The following ZC3H12B variants were observed in gnomAD, a reference collection of about 807,000 sequenced individuals.
ZC3H12B encodes the protein probable ribonuclease ZC3H12B.
Under a neutral mutation model 43.9 loss-of-function variants are expected in ZC3H12B, and 7 were observed. The ratio of observed to expected loss-of-function variants is 0.16; its 90% CI spans 0.09 to 0.30. ZC3H12B has a LOEUF of 0.30. ZC3H12B is among the 10% of genes least tolerant of loss of function. ZC3H12B has a pLI of 1.00. For synonymous variants in ZC3H12B, 222 were observed against 241.7 expected (o/e 0.92, Z 0.76); for missense variants, 475 against 670.2 (o/e 0.71, Z 3.22).
the ZC3H12B span, among the ~76,000 whole-genome samples, chrX:65,091,727 C>A: frequency 9.0e-6 from 1 of 111,667 alleles, no homozygotes; most frequent in African/African-American, 3.3e-5. Flanking sequence ...ACAAAAAAAA[C>A]ATCTTAGCAG....
At chrX:65,143,141 A>T in the ZC3H12B span, among the ~76,000 whole-genome samples, 1 of 110,933 alleles carries the variant, frequency 9.0e-6, no homozygotes, top group Admixed American at 9.6e-5. Flanking sequence ...TGAGCATGGG[A>T]TGTGTTTCTA....
At chrX:65,394,374 T>A (rs772848858) in intron 2 of ZC3H12B, among the ~76,000 whole-genome samples, 2 of 112,711 alleles carry the variant, frequency 1.8e-5, no homozygotes, top group South Asian at 7.3e-4. Context: ...GAGCTAATTT[T>A]TGTATTAGGT....
the ZC3H12B span, among the ~76,000 whole-genome samples, chrX:65,151,437 T>C: frequency 8.9e-6 from 1 of 112,059 alleles, no homozygotes; most frequent in Non-Finnish European, 1.9e-5. Flanking sequence ...TCAAAATTAT[T>C]GTATGTGACA....
the ZC3H12B span, among the ~76,000 whole-genome samples, chrX:65,056,915 C>CT: frequency 4.6e-3 from 511 of 111,320 alleles, 1 homozygote; most frequent in Non-Finnish European, 7.9e-3. Flanking sequence ...CAACCCTTGC[C>CT]TTTTTTTGTT....
At chrX:65,177,314 C>G in the ZC3H12B span, among the ~76,000 whole-genome samples, 1 of 111,738 alleles carries the variant, frequency 8.9e-6, no homozygotes, top group African/African-American at 3.3e-5. Flanking sequence ...AACCCACAGC[C>G]AATATCATAC....
the ZC3H12B span, among the ~76,000 whole-genome samples, chrX:65,214,498 C>T: frequency 9.0e-6 from 1 of 111,620 alleles, no homozygotes; most frequent in Non-Finnish European, 1.9e-5. Context: ...AAAACTTCTT[C>T]ATTTTCTCAG....
chrX:65,460,264 A>G lies in ZC3H12B; in HGVS notation n.408-28382A>G, dbSNP rs878992397. On this transcript the variant is annotated intron_variant and non_coding_transcript_variant, in intron 3 of 5. Transcript: ENST00000617377. ...CTCATGGGTAGGAAGAATCAATATC[A>G]TGAAAATGGCCATACTGCCCAAGGT... 3.6e-5 allele frequency among the ~76,000 whole-genome samples: 4 copies of G among 111,816 alleles called. No individual in the cohort carries two copies. In the East Asian group the frequency reaches 1.1e-3, roughly 31 times the overall value.
chrX:65,355,701 G>A, the ZC3H12B span, among the ~76,000 whole-genome samples: 2 of 111,835 alleles, frequency 1.8e-5, no homozygotes, highest in African/African-American at 6.5e-5. Context: ...GGTCAGGCAT[G>A]GTGGAACATG....
the ZC3H12B span, among the ~76,000 whole-genome samples, chrX:65,046,937 A>G: frequency 6.3e-5 from 7 of 111,106 alleles, no homozygotes; most frequent in South Asian, 2.7e-3. Flanking sequence ...CAGTTTAGCA[A>G]TCAGAACATG....
At chrX:65,347,917 A>G in the ZC3H12B span, among the ~76,000 whole-genome samples, 53 of 112,361 alleles carry the variant, frequency 4.7e-4, no homozygotes, top group African/African-American at 1.7e-3. Flanking sequence ...TAAAAAAACG[A>G]TGAATTCATG....
At chrX:65,450,769 G>GTATACATATGTGTATATATGTATA (rs2067484738) in intron 3 of ZC3H12B, among the ~76,000 whole-genome samples, 2 of 31,279 alleles carry the variant, frequency 6.4e-5, no homozygotes, top group Non-Finnish European at 9.0e-5. Context: ...ATATGTATAT[G>GTATACATATGTGTATATATGTATA]TATACATATG....
intron 2 of ZC3H12B, among the ~76,000 whole-genome samples, chrX:65,382,010 T>C (rs1234557292): frequency 8.9e-6 from 1 of 111,877 alleles, no homozygotes; most frequent in Non-Finnish European, 1.9e-5. Flanking sequence ...TCACAGCCGA[T>C]TCTACCAGAG....
At chrX:65,347,136 C>T in the ZC3H12B span, among the ~76,000 whole-genome samples, 1 of 112,063 alleles carries the variant, frequency 8.9e-6, no homozygotes, top group Non-Finnish European at 1.9e-5. Flanking sequence ...GTTCTGTAGC[C>T]TCTGCTACTG....
chrX:65,209,889 C>G, the ZC3H12B span, among the ~76,000 whole-genome samples: 1 of 97,541 alleles, frequency 1.0e-5, no homozygotes, highest in Non-Finnish European at 2.0e-5. Flanking sequence ...AACTGGATCC[C>G]TTCCTTACAC....
At chrX:65,141,810 C>T in the ZC3H12B span, among the ~76,000 whole-genome samples, 1 of 111,546 alleles carries the variant, frequency 9.0e-6, no homozygotes, top group African/African-American at 3.3e-5. Context: ...ATAATAGTCC[C>T]CAATCTCATC....
the ZC3H12B span, among the ~76,000 whole-genome samples, chrX:65,195,520 C>T: frequency 9.8e-5 from 11 of 112,126 alleles, no homozygotes; most frequent in Non-Finnish European, 1.7e-4. Context: ...TCTTATTGTA[C>T]TATCTATGTA....
chrX:65,199,564 A>T, the ZC3H12B span, among the ~76,000 whole-genome samples: 2 of 109,896 alleles, frequency 1.8e-5, no homozygotes, highest in African/African-American at 6.6e-5. Context: ...TAAGTCCATC[A>T]TCCATTAGAT....
the ZC3H12B span, among the ~76,000 whole-genome samples, chrX:65,333,355 TG>T: frequency 8.9e-6 from 1 of 112,253 alleles, no homozygotes; most frequent in African/African-American, 3.2e-5. Context: ...CAAATAACTA[TG>T]TTGCCATAAG....
At chrX:65,425,290 T>A (rs1007124858) in intron 3 of ZC3H12B, among the ~76,000 whole-genome samples, 3 of 110,973 alleles carry the variant, frequency 2.7e-5, no homozygotes, top group South Asian at 3.8e-4. Flanking sequence ...TGTATATGAA[T>A]GCTAGTGATT....
Sources: gnomAD v4.1 joint callset for allele counts (sites outside exome capture counted in the v4.1 genomes callset) on GRCh38, gnomAD v4.1.1 for gene constraint, MANE v1.5 for transcripts, NCBI Gene and HGNC (gene_info 2026-07-23, HGNC 2026-07-21) for gene names.